OOEP: variants seen among roughly 807,000 people sequenced by gnomAD.
OOEP encodes the protein oocyte-expressed protein homolog.
In OOEP, 16 loss-of-function variants were observed where a neutral mutation model predicts 13.7. That is an observed-to-expected ratio of 1.16 (90% CI 0.79 to 1.77). The LOEUF (loss-of-function observed/expected upper bound fraction) is 1.77. Among genes scored for constraint, OOEP ranks in the 40% most tolerant of loss-of-function variants. OOEP has a pLI of 0.00. For synonymous variants in OOEP, 89 were observed against 77.1 expected (o/e 1.15, Z -0.81); for missense variants, 195 against 193.1 (o/e 1.01, Z -0.06).
intron 2 of OOEP, among the ~76,000 whole-genome samples, chr6:73,375,985 T>A (rs992412973): frequency 6.6e-6 from 1 of 152,024 alleles, no homozygotes; most frequent in Admixed American, 6.6e-5. Context: ...GGTTTTACCA[T>A]GTTGGCCAGG....
rs753618897 is a variant in OOEP, at chr6:73,369,701, G to A, written c.92C>T (p.Pro31Leu). ...CCAGGGCCGGATGCGAATCTGTGGC[G>A]GCGGAAGTGGTAACCTACGCAGCTG... ...LEQLRRLPLP[P>L]PQIRIRPWWF... Residue 31 changes from proline to leucine, a missense_variant, in exon 1 of 3, where the codon CCG becomes CTG. Physicochemically the swap from Pro to Leu is moderately conservative, Grantham distance 98 (BLOSUM62 -3). Coordinates refer to ENST00000370359, the MANE Select transcript of OOEP (RefSeq NM_001080507.3). 2.5e-6 allele frequency: 4 copies of A among 1,613,878 alleles called. No homozygotes were observed. Among genetic ancestry groups the A allele is most frequent in the African/African-American group, 1.3e-5 (1 of 74,936 alleles).
chr6:73,394,065 G>A (rs1031336893), intron 2 of OOEP, among the ~76,000 whole-genome samples: 5 of 152,184 alleles, frequency 3.3e-5, no homozygotes, highest in African/African-American at 1.2e-4. Context: ...TGTGAGCCGA[G>A]TGCAGTGGCT....
At chr6:73,369,159 T>G in intron 2 of OOEP, 47 bp downstream of exon 2, 1 of 1,554,292 alleles carries the variant, frequency 6.4e-7, no homozygotes, top group Non-Finnish European at 8.7e-7. Context: ...AAGGCCAGTA[T>G]GGTCACTCGT....
chr6:73,393,103 GAAAA>G (rs55888271), intron 2 of OOEP, among the ~76,000 whole-genome samples: 1 of 145,978 alleles, frequency 6.9e-6, no homozygotes, highest in Non-Finnish European at 1.5e-5. Context: ...TGATTGAACT[GAAAA>G]AAAAAAAATT....
intron 2 of OOEP, among the ~76,000 whole-genome samples, chr6:73,379,182 G>A (rs544222959): frequency 3.3e-5 from 5 of 151,550 alleles, no homozygotes; most frequent in Admixed American, 6.6e-5. Context: ...GCGCCACCAC[G>A]TCCAGCTAAT....
At position 73,369,576 on chromosome 6, in the gene OOEP, C is replaced by G. The variant is rs974796714; in HGVS notation, c.190+27G>C. On this transcript the variant is annotated intron_variant, in intron 1 of 2. Transcript: ENST00000370359. The stretch of plus-strand genomic sequence containing the variant: ...CCTCTCTCAGACTGGAGGTGGACAG[C>G]CCACTAGCACACCTGGGGTCGCTCA... 4 of 1,604,036 alleles carry G rather than the reference C, an allele frequency of 2.5e-6. No individual in the cohort carries two copies. In the East Asian group the frequency reaches 8.9e-5, roughly 36 times the overall value.
At chr6:73,394,917 C>A (rs768641284) in exon 1 of OOEP, 14 of 1,614,066 alleles carry the variant, frequency 8.7e-6, no homozygotes. Context: ...TGTCCCACCA[C>A]GGAGGAGCTC....
exon 1 of OOEP, chr6:73,394,771 G>GC (rs1769423298): frequency 1.3e-5 from 16 of 1,259,996 alleles, no homozygotes; most frequent in Admixed American, 2.6e-5. Context: ...GAGAGCGTGG[G>GC]CGGGGGGGCT....
chr6:73,387,006 ACAG>A (rs1441350484), intron 2 of OOEP, among the ~76,000 whole-genome samples: 1 of 148,620 alleles, frequency 6.7e-6, no homozygotes, highest in South Asian at 2.1e-4. Context: ...AAAAAAAAGA[ACAG>A]CAGAGCTCAA....
At chr6:73,373,644 G>A (rs763139385), upstream of OOEP, among the ~76,000 whole-genome samples, 2 of 152,134 alleles carry the variant, frequency 1.3e-5, no homozygotes, top group Non-Finnish European at 2.9e-5. Flanking sequence ...AGGCTGGAGT[G>A]CAATGGCGAA....
intron 2 of OOEP, among the ~76,000 whole-genome samples, chr6:73,379,714 A>G (rs1159307670): frequency 2.7e-5 from 4 of 150,410 alleles, no homozygotes; most frequent in African/African-American, 7.3e-5. Flanking sequence ...CCTAATAGAC[A>G]ACAGCTGGTT....
chr6:73,373,241 C>T, upstream of OOEP: 1 of 1,612,762 alleles, frequency 6.2e-7, no homozygotes, highest in Non-Finnish European at 8.5e-7. Context: ...TCGCTTAATC[C>T]TGAAAGTCTT....
At chr6:73,394,261 C>T (rs1392478643) in intron 2 of OOEP, 2 of 701,446 alleles carry the variant, frequency 2.9e-6, no homozygotes, top group African/African-American at 1.8e-5. Flanking sequence ...ATGCAGCTTA[C>T]ATAGCGAGGA....
intron 2 of OOEP, among the ~76,000 whole-genome samples, chr6:73,376,836 G>A (rs1040667063): frequency 2.0e-5 from 3 of 152,110 alleles, no homozygotes; most frequent in East Asian, 1.9e-4. Flanking sequence ...ATTTTTAGTA[G>A]AGAAGAGGTT....
At chr6:73,395,065 A>C (rs1582633043) in exon 1 of OOEP, 3 of 1,613,910 alleles carry the variant, frequency 1.9e-6, no homozygotes, top group South Asian at 1.1e-5. Context: ...CTGGAGAGGC[A>C]CCTCTAGGCC....
rs1445466191 is a variant in OOEP, at chr6:73,379,656, A to AG, written c.26-10272_26-10271insC. On this transcript the variant is annotated intron_variant, in intron 2 of 3. Coordinates refer to the OOEP transcript ENST00000370363. Reference sequence around the variant, plus strand: ...TCTATCTCAAAAAAAAAAAAAAAAAAAAAAAGTGGCCTTATTTTACATGTT... The same window carrying AG: ...TCTATCTCAAAAAAAAAAAAAAAAAAGAAAAAGTGGCCTTATTTTACATGTT... Among the ~76,000 whole-genome samples the AG allele has an allele frequency of 5.9e-3, 830 of 141,780 alleles. 32 individuals carry two copies. The highest frequency in any genetic ancestry group is 0.019 in the African/African-American group (756 of 39,076). The allele number at this position is 141,780 out of a possible 152,430, so 93.0% of individuals were successfully genotyped here.
upstream of OOEP, among the ~76,000 whole-genome samples, chr6:73,374,803 A>C (rs537483033): frequency 6.6e-6 from 1 of 152,196 alleles, no homozygotes; most frequent in East Asian, 1.9e-4. Context: ...GACTGATCTC[A>C]TACTTAACTA....
upstream of OOEP, among the ~76,000 whole-genome samples, chr6:73,371,043 C>A (rs569571916): frequency 1.4e-4 from 21 of 152,224 alleles, no homozygotes; most frequent in African/African-American, 5.1e-4. Flanking sequence ...TAGGCTCAAG[C>A]AGTCCTCTCA....
intron 2 of OOEP, among the ~76,000 whole-genome samples, chr6:73,381,099 C>T (rs1275203076): frequency 6.6e-6 from 1 of 150,626 alleles, no homozygotes; most frequent in Non-Finnish European, 1.5e-5. Flanking sequence ...GTGGAGGTTG[C>T]AGTGGACCAA....
Sources: allele counts gnomAD v4.1 joint callset (sites outside exome capture counted in the v4.1 genomes callset), GRCh38; gene constraint gnomAD v4.1.1; transcripts MANE v1.5; gene names NCBI Gene and HGNC (gene_info 2026-07-23, HGNC 2026-07-21).